The following MUSK variants were observed in gnomAD, a reference collection of about 807,000 sequenced individuals.
The protein encoded by MUSK is muscle associated receptor tyrosine kinase, also known as muscle, skeletal receptor tyrosine-protein kinase.
A neutral mutation model predicts 88.7 loss-of-function variants in MUSK; 55 were observed. The ratio of observed to expected loss-of-function variants is 0.62; its 90% CI spans 0.50 to 0.78. The LOEUF is 0.78. Ranked by LOEUF, MUSK falls within the 30% of genes least tolerant of loss-of-function variation. MUSK has a pLI of 0.00. For synonymous variants in MUSK, 387 were observed against 391.9 expected, an observed-to-expected ratio of 0.99 and a Z score of 0.15; for missense variants, 1,015 against 1,074.3, an observed-to-expected ratio of 0.94 and a Z score of 0.77.
chr9:110,717,229 T>A (rs1299804055), intron 5 of MUSK, among the ~76,000 whole-genome samples: 6 of 149,816 alleles, frequency 4.0e-5, no homozygotes, highest in East Asian at 1.9e-4. Flanking sequence ...TATATTTTTT[T>A]AATTCTCCAC....
rs908274684 is a variant in MUSK at position 110,804,046 on chromosome 9, G to A, written c.*3058G>A. On this transcript the variant is annotated 3_prime_UTR_variant, in exon 15 of 15. Transcript: ENST00000374448. ...CTGCTATCGTGGTAGAGCAGAAAAA[G>A]AACACTTTCTTTTCATTTTACAGTA... is the stretch of plus-strand genomic sequence containing the variant. Among the ~76,000 whole-genome samples the A allele has an allele frequency of 1.3e-5, 2 of 152,176 alleles. No individual in the cohort carries two copies. Among genetic ancestry groups the A allele is most frequent in the East Asian group, 1.9e-4 (1 of 5,184 alleles).
chr9:110,710,687 C>T (rs774528236), intron 5 of MUSK, among the ~76,000 whole-genome samples: 1 of 151,720 alleles, frequency 6.6e-6, no homozygotes, highest in African/African-American at 2.4e-5. Flanking sequence ...AAAGAGGTGC[C>T]TTTAATGGCT....
chr9:110,800,016 C>G (rs994132565), intron 14 of MUSK, among the ~76,000 whole-genome samples: 3 of 152,150 alleles, frequency 2.0e-5, no homozygotes, highest in Non-Finnish European at 2.9e-5. Context: ...GAACTTGATG[C>G]ACCATGTACG....
chr9:110,765,922 G>T (rs2077476370), intron 8 of MUSK, among the ~76,000 whole-genome samples: 1 of 152,094 alleles, frequency 6.6e-6, no homozygotes, highest in Non-Finnish European at 1.5e-5. Flanking sequence ...GAACAGCTGT[G>T]TAGAAATATG....
In MUSK at chr9:110,747,801, G is replaced by C. The variant is rs753542082; in HGVS notation, c.913+1G>C. 1 of 1,613,634 alleles carries C rather than the reference G, an allele frequency of 6.2e-7. No homozygotes were observed. Among genetic ancestry groups the C allele is most frequent in the Non-Finnish European group, 8.5e-7 (1 of 1,179,650 alleles). ...GCTGCAGCCACCATCAGCATAGCAG[G>C]TAGGATGCCCCTTCACATTTGCGTT... On this transcript the variant is annotated splice_donor_variant, in intron 7 of 14. Transcript: ENST00000374448. LOFTEE classifies it high-confidence loss of function.
intron 5 of MUSK, among the ~76,000 whole-genome samples, chr9:110,730,849 G>A (rs2076954057): frequency 6.6e-6 from 1 of 151,994 alleles, no homozygotes; most frequent in African/African-American, 2.4e-5. Context: ...TATTCCATGT[G>A]AGGATTAGAC....
rs534020022 is a variant in MUSK, at chr9:110,741,030, G to A, written c.754-6611G>A. 1.2e-4 allele frequency among the ~76,000 whole-genome samples: 18 copies of A among 152,248 alleles called. No homozygotes were observed. The South Asian group carries it at 1.2e-3, about 11-fold the overall frequency. ...TCAAAGGGTACAAAGTTTCAGTCATGCAAGATGAATTAAGTACTGTAGATG... is the reference window on the plus strand; with the variant it reads ...TCAAAGGGTACAAAGTTTCAGTCATACAAGATGAATTAAGTACTGTAGATG... On this transcript the variant is annotated intron_variant, in intron 6 of 14. Transcript: ENST00000374448.
At chr9:110,771,131 C>T (rs1408295712) in intron 9 of MUSK, among the ~76,000 whole-genome samples, 2 of 151,080 alleles carry the variant, frequency 1.3e-5, no homozygotes, top group Non-Finnish European at 2.9e-5. Flanking sequence ...GTTTTCACCA[C>T]CCATAAATTT....
intron 5 of MUSK, among the ~76,000 whole-genome samples, chr9:110,708,093 TATC>T (rs1564235746): frequency 5.0e-4 from 41 of 81,240 alleles, no homozygotes; most frequent in African/African-American, 1.9e-3. Flanking sequence ...AAATAATTCC[TATC>T]TATCTATCTA....
chr9:110,739,567 G>T (rs958600273), intron 6 of MUSK, among the ~76,000 whole-genome samples: 5 of 152,084 alleles, frequency 3.3e-5, no homozygotes, highest in African/African-American at 9.7e-5. Flanking sequence ...CAAAATCTCA[G>T]ATATATAAAG....
chr9:110,731,249 T>G (rs1039740708), intron 5 of MUSK, among the ~76,000 whole-genome samples: 2 of 152,046 alleles, frequency 1.3e-5, no homozygotes, highest in African/African-American at 4.8e-5. Flanking sequence ...GCCCTTGTGA[T>G]GCTTACATTC....
intron 7 of MUSK, among the ~76,000 whole-genome samples, chr9:110,749,632 G>A (rs964707263): frequency 1.3e-5 from 2 of 152,196 alleles, no homozygotes; most frequent in Admixed American, 6.5e-5. Flanking sequence ...ATGCTGAGGT[G>A]TTAGGAGGTT....
At chr9:110,739,267 C>A (rs1370874412) in intron 6 of MUSK, among the ~76,000 whole-genome samples, 1 of 152,128 alleles carries the variant, frequency 6.6e-6, no homozygotes, top group Non-Finnish European at 1.5e-5. Context: ...AGATTAAAAT[C>A]ATCAAAGAGG....
chr9:110,675,604 CTG>C (rs1476624027), intron 1 of MUSK, among the ~76,000 whole-genome samples: 1 of 110,636 alleles, frequency 9.0e-6, no homozygotes, highest in East Asian at 2.9e-4. Context: ...GAGTCTCACT[CTG>C]TTGCCCAGGC....
chr9:110,674,003 C>A (rs929371373), intron 1 of MUSK, among the ~76,000 whole-genome samples: 1 of 151,994 alleles, frequency 6.6e-6, no homozygotes, highest in Non-Finnish European at 1.5e-5. Context: ...ATCTTCCAAA[C>A]GTCATGTGTG....
At chr9:110,700,574 CTA>C (rs1333924603) in intron 5 of MUSK, among the ~76,000 whole-genome samples, 2 of 152,050 alleles carry the variant, frequency 1.3e-5, no homozygotes, top group South Asian at 2.1e-4. Context: ...GTAGCTGGAG[CTA>C]TGTTTGGTGT....
intron 2 of MUSK, among the ~76,000 whole-genome samples, chr9:110,685,868 A>AT (rs1215973844): frequency 6.6e-6 from 1 of 151,996 alleles, no homozygotes; most frequent in East Asian, 1.9e-4. Context: ...TGCTTTTCAA[A>AT]TTTTTTTCGG....
intron 5 of MUSK, among the ~76,000 whole-genome samples, chr9:110,714,924 ATCTAT>A (rs2076726059): frequency 7.3e-6 from 1 of 137,484 alleles, no homozygotes; most frequent in African/African-American, 3.3e-5. Context: ...ATAGATGAGC[ATCTAT>A]GTTTTAATAA....
rs1226527202 is a variant in MUSK, at chr9:110,801,400, G to A, written c.*412G>A. 1 of 155,630 alleles carries A rather than the reference G, an allele frequency of 6.4e-6. No homozygotes were observed. Among genetic ancestry groups the A allele is most frequent in the African/African-American group, 2.4e-5 (1 of 41,578 alleles). The allele number at this position is 155,630 out of a possible 1,614,324, so 9.6% of individuals were successfully genotyped here. ...TTAATTCCTGTCCATTGTGAAAGTAGCTTAATCGTCATGTAAGACACTTAG... is the reference window on the plus strand; with the variant it reads ...TTAATTCCTGTCCATTGTGAAAGTAACTTAATCGTCATGTAAGACACTTAG... On this transcript the variant is annotated 3_prime_UTR_variant, in exon 15 of 15. Coordinates refer to ENST00000374448, the MANE Select transcript of MUSK (RefSeq NM_005592.4).
Sources: gnomAD v4.1 joint callset for allele counts (sites outside exome capture counted in the v4.1 genomes callset) on GRCh38, gnomAD v4.1.1 for gene constraint, MANE v1.5 for transcripts, NCBI Gene and HGNC (gene_info 2026-07-23, HGNC 2026-07-21) for gene names.